SMIM14: variants seen among roughly 807,000 people sequenced by gnomAD.
SMIM14 encodes small integral membrane protein 14.
A neutral mutation model predicts 12.6 loss-of-function variants in SMIM14; 5 were observed. The observed-to-expected ratio is 0.40, with a 90% CI of 0.21 to 0.83. SMIM14 has a LOEUF of 0.83. SMIM14 is among the 40% of genes least tolerant of loss of function. The pLI is 0.37. For missense variants in SMIM14, 86 were observed against 119.1 expected, an observed-to-expected ratio of 0.72 and a Z score of 1.29; for synonymous variants, 30 against 40.1, an observed-to-expected ratio of 0.75 and a Z score of 0.95.
intron 3 of SMIM14, among the ~76,000 whole-genome samples, chr4:39,562,648 C>T (rs1031505696): frequency 9.9e-5 from 15 of 151,570 alleles, no homozygotes; most frequent in African/African-American, 2.7e-4. Context: ...GCTGCCATGC[C>T]CAATTAATTT....
intron 1 of SMIM14, among the ~76,000 whole-genome samples, chr4:39,634,664 A>G (rs1291355237): frequency 6.6e-6 from 1 of 152,240 alleles, no homozygotes. Context: ...AAAGTTTGAT[A>G]TGCATTAAAA....
intron 2 of SMIM14, among the ~76,000 whole-genome samples, chr4:39,572,951 C>T (rs1712978148): frequency 6.6e-6 from 1 of 152,096 alleles, no homozygotes; most frequent in Admixed American, 6.6e-5. Flanking sequence ...ATCCTCCTGC[C>T]TCAGCCTCCT....
At chr4:39,628,047 G>A (rs1287303999) in intron 1 of SMIM14, among the ~76,000 whole-genome samples, 1 of 152,170 alleles carries the variant, frequency 6.6e-6, no homozygotes, top group Non-Finnish European at 1.5e-5. Context: ...GGGGGCTCAC[G>A]CCTATAATCC....
chr4:39,559,297 G>A (rs1211167973), intron 3 of SMIM14, among the ~76,000 whole-genome samples: 6 of 151,304 alleles, frequency 4.0e-5, no homozygotes, highest in African/African-American at 1.5e-4. Context: ...GCTGAGGCAC[G>A]AGAATTGCTT....
intron 2 of SMIM14, among the ~76,000 whole-genome samples, chr4:39,598,120 G>A (rs181418105): frequency 2.0e-5 from 3 of 152,166 alleles, no homozygotes; most frequent in Admixed American, 2.0e-4. Flanking sequence ...GTCTTAGACA[G>A]CAACTCTCGT....
chr4:39,567,573 C>A (rs1387833027), intron 3 of SMIM14, among the ~76,000 whole-genome samples: 5 of 151,990 alleles, frequency 3.3e-5, no homozygotes, highest in African/African-American at 4.8e-5. Flanking sequence ...CCCATCTCTA[C>A]TAAAAATACA....
At chr4:39,598,937 G>T (rs1714487100) in intron 2 of SMIM14, among the ~76,000 whole-genome samples, 1 of 151,940 alleles carries the variant, frequency 6.6e-6, no homozygotes, top group African/African-American at 2.4e-5. Context: ...CATTATCCTG[G>T]AAGGTACTTT....
rs1324149789 is a variant in SMIM14 at position 39,550,309 on chromosome 4, G to A, written c.*1817C>T. 2 of 152,194 alleles carry A rather than the reference G, an allele frequency of 1.3e-5. No homozygotes were observed. The highest frequency in any genetic ancestry group is 2.9e-5 in the Non-Finnish European group (2 of 68,046). 9.4% of individuals were successfully genotyped at this position (152,194 alleles called of 1,614,324 possible). On this transcript the variant is annotated 3_prime_UTR_variant, in exon 5 of 5. Coordinates refer to ENST00000295958, the MANE Select transcript of SMIM14 (RefSeq NM_174921.3). ...ATTTATTTATTTATTTTGAGACAGA[G>A]TCTCGCTCTGTCGCCCTGATTGGAG...
Position 39,605,105 on chromosome 4 carries a change from G to T in SMIM14, c.41C>A (p.Ser14Tyr). 1 of 1,609,400 alleles carries T rather than the reference G, an allele frequency of 6.2e-7. No homozygotes were observed. Residue 14 changes from serine to tyrosine, a missense_variant, in exon 2 of 5, where the codon TCT (serine) becomes TAT (tyrosine). Transcript: ENST00000295958. ...GGFDPCECVC[S>Y]HEHAMRRLIN... is the part of the protein sequence containing the mutation. ...CAGTCTTCTCATTGCATGTTCATGA[G>T]AGCAAACACATTCACAGGGATCAAA...
In SMIM14 at chr4:39,548,804, C is replaced by T. The variant is rs1016365823; in HGVS notation, c.*3322G>A. ...AATACTTCATTAAGAACACTGGTTA[C>T]TAAGTAAATAGATGGCTCATGTAGG... On this transcript the variant is annotated 3_prime_UTR_variant, in exon 5 of 5. Coordinates refer to ENST00000295958, the MANE Select transcript of SMIM14 (RefSeq NM_174921.3). 3 of 152,136 alleles carry T rather than the reference C, an allele frequency of 2.0e-5. No homozygotes were observed. The highest frequency in any genetic ancestry group is 3.2e-3 in the Middle Eastern group (1 of 316). The allele number at this position is 152,136 out of a possible 1,614,324, so 9.4% of individuals were successfully genotyped here. A position where few individuals can be genotyped will look rare whatever the true frequency, so the allele number is the denominator to read the frequency against.
intron 3 of SMIM14, among the ~76,000 whole-genome samples, chr4:39,567,532 T>C (rs1340245379): frequency 6.6e-6 from 1 of 151,720 alleles, no homozygotes; most frequent in African/African-American, 2.4e-5. Flanking sequence ...AGGTCAGGAG[T>C]TCGAGACCAG....
At chr4:39,557,054 G>A (rs1358708974) in intron 3 of SMIM14, among the ~76,000 whole-genome samples, 1 of 138,518 alleles carries the variant, frequency 7.2e-6, no homozygotes, top group African/African-American at 2.8e-5. Context: ...TCACTCTGTT[G>A]CCAAGGCCAG....
intron 1 of SMIM14, among the ~76,000 whole-genome samples, chr4:39,630,722 C>T (rs1715867158): frequency 6.6e-6 from 1 of 151,768 alleles, no homozygotes; most frequent in African/African-American, 2.4e-5. Context: ...ATTAGCTGAG[C>T]ATGGTGGTGG....
intron 1 of SMIM14, among the ~76,000 whole-genome samples, chr4:39,620,011 G>A (rs1450289099): frequency 6.7e-6 from 1 of 150,246 alleles, no homozygotes; most frequent in African/African-American, 2.4e-5. Flanking sequence ...TGAGGAGCTG[G>A]GACTAGAGGC....
At chr4:39,597,567 C>A (rs1000818375) in intron 2 of SMIM14, among the ~76,000 whole-genome samples, 3 of 151,494 alleles carry the variant, frequency 2.0e-5, no homozygotes, top group Admixed American at 6.6e-5. Context: ...CCTCAGCCTC[C>A]CGAGTAGCTG....
intron 3 of SMIM14, among the ~76,000 whole-genome samples, chr4:39,564,289 C>T (rs28366969): frequency 0.015 from 2,358 of 152,246 alleles, 47 homozygotes; most frequent in African/African-American, 0.054. Context: ...ATCCTAAGCA[C>T]AGCTACCAGT....
chr4:39,625,164 G>T (rs1715647787), intron 1 of SMIM14, among the ~76,000 whole-genome samples: 2 of 149,392 alleles, frequency 1.3e-5, no homozygotes, highest in African/African-American at 5.0e-5. Flanking sequence ...GTTGCAGTGA[G>T]CTGAGATCAT....
At chr4:39,601,304 G>GAT (rs1714603383) in intron 2 of SMIM14, among the ~76,000 whole-genome samples, 1 of 152,022 alleles carries the variant, frequency 6.6e-6, no homozygotes, top group Admixed American at 6.6e-5. Context: ...AAAAATTGAT[G>GAT]ATATTCTGGC....
intron 1 of SMIM14, among the ~76,000 whole-genome samples, chr4:39,623,232 C>A (rs762056445): frequency 9.9e-5 from 15 of 152,144 alleles, no homozygotes; most frequent in Admixed American, 9.8e-4. Flanking sequence ...AACAAAACCA[C>A]CATGAGTTTA....
Sources: gnomAD v4.1 joint callset for allele counts (sites outside exome capture counted in the v4.1 genomes callset) on GRCh38, gnomAD v4.1.1 for gene constraint, MANE v1.5 for transcripts, NCBI Gene and HGNC (gene_info 2026-07-23, HGNC 2026-07-21) for gene names.